Variants in CNTNAP5 observed in about 807,000 individuals in gnomAD.
The protein encoded by CNTNAP5 is contactin-associated protein-like 5.
CNTNAP5 carries 72 observed loss-of-function variants against 150.2 expected under a neutral mutation model. The ratio of observed to expected loss-of-function variants is 0.48; its 90% CI spans 0.40 to 0.58. The LOEUF (loss-of-function observed/expected upper bound fraction) is 0.58. Ranked by LOEUF, CNTNAP5 falls within the 20% of genes least tolerant of loss-of-function variation. The probability of loss-of-function intolerance (pLI) is 0.00; values close to 1 mark genes in which losing one functional copy is unlikely to be tolerated. For synonymous variants in CNTNAP5, 672 were observed against 619.8 expected (o/e 1.08, Z -1.25); for missense variants, 1,636 against 1,626.2 (o/e 1.01, Z -0.10).
rs375944510 is a variant in CNTNAP5, at chr2:124,415,914, AC to A, written c.382-1523del. ...TTGGATTTCATCTTCAGCAAAAAAA[AC>A]CCCCCAATAATTTTCAGGGAAAATG... On this transcript the variant is annotated intron_variant, in intron 3 of 23. Transcript: ENST00000682447. Among the ~76,000 whole-genome samples, 10 of 152,214 alleles carry A rather than the reference AC, an allele frequency of 6.6e-5. No individual in the cohort carries two copies. The South Asian group carries it at 1.7e-3, about 25-fold the overall frequency.
At chr2:124,552,348 C>T (rs2104918376) in intron 10 of CNTNAP5, among the ~76,000 whole-genome samples, 1 of 152,280 alleles carries the variant, frequency 6.6e-6, no homozygotes, top group South Asian at 2.1e-4. Context: ...ATGACAGCTG[C>T]ATCCAGGCAG....
intron 3 of CNTNAP5, among the ~76,000 whole-genome samples, chr2:124,385,142 G>A (rs752003298): frequency 6.6e-6 from 1 of 152,138 alleles, no homozygotes; most frequent in South Asian, 2.1e-4. Context: ...TGAATTAAAG[G>A]TATGAATTTG....
chr2:124,912,054 C>T (rs543694705), intron 23 of CNTNAP5, among the ~76,000 whole-genome samples: 1 of 152,172 alleles, frequency 6.6e-6, no homozygotes, highest in East Asian at 2.0e-4. Flanking sequence ...GTCTGCTCTG[C>T]TGTGAGCTCA....
intron 3 of CNTNAP5, among the ~76,000 whole-genome samples, chr2:124,284,813 G>A (rs1385552137): frequency 6.6e-6 from 1 of 152,092 alleles, no homozygotes; most frequent in Non-Finnish European, 1.5e-5. Context: ...TTCTAAGGTG[G>A]AGTGTGTGCT....
intron 16 of CNTNAP5, among the ~76,000 whole-genome samples, chr2:124,768,577 A>G (rs1045421253): frequency 6.6e-6 from 1 of 152,072 alleles, no homozygotes; most frequent in Non-Finnish European, 1.5e-5. Context: ...AAGCACTCCC[A>G]TCGATGACGA....
intron 19 of CNTNAP5, among the ~76,000 whole-genome samples, chr2:124,812,035 T>C (rs1439157138): frequency 4.7e-5 from 5 of 105,426 alleles, no homozygotes; most frequent in African/African-American, 1.8e-4. Flanking sequence ...TATTATATAA[T>C]ATATAATTTA....
rs922384210 is a variant in CNTNAP5 at position 124,025,831 on chromosome 2, G to C, written c.82+99G>C. ...AGCGTACTCGATTGTGTCTGCTTTG[G>C]GCAAAGGAAACGGAAAAAAAATGCT... On this transcript the variant is annotated intron_variant, in intron 1 of 23. Coordinates refer to ENST00000682447, the MANE Select transcript of CNTNAP5 (RefSeq NM_001367498.1). The C allele has an allele frequency of 1.4e-5, 15 of 1,058,480 alleles. No individual in the cohort carries two copies. The African/African-American group carries it at 2.2e-4, about 15-fold the overall frequency. The allele number at this position is 1,058,480 out of a possible 1,614,324, so 65.6% of individuals were successfully genotyped here. A position where few individuals can be genotyped will look rare whatever the true frequency, so the allele number is the denominator to read the frequency against.
intron 11 of CNTNAP5, among the ~76,000 whole-genome samples, chr2:124,565,753 C>T (rs1696009058): frequency 6.6e-6 from 1 of 151,834 alleles, no homozygotes; most frequent in Non-Finnish European, 1.5e-5. Context: ...GTGCCCACCA[C>T]CACGCCCAGC....
At chr2:124,174,250 T>G (rs1248177139) in intron 1 of CNTNAP5, among the ~76,000 whole-genome samples, 2 of 152,160 alleles carry the variant, frequency 1.3e-5, no homozygotes, top group African/African-American at 4.8e-5. Flanking sequence ...CTGCAGCCCA[T>G]GGATCAAGTA....
At chr2:124,841,056 A>G (rs1682934790) in intron 19 of CNTNAP5, among the ~76,000 whole-genome samples, 1 of 152,106 alleles carries the variant, frequency 6.6e-6, no homozygotes, top group African/African-American at 2.4e-5. Flanking sequence ...TATTAAATGC[A>G]GTGTGGCTCA....
intron 13 of CNTNAP5, among the ~76,000 whole-genome samples, chr2:124,711,218 C>G (rs2105103614): frequency 6.6e-6 from 1 of 152,130 alleles, no homozygotes; most frequent in South Asian, 2.1e-4. Context: ...TTGTGGTGAA[C>G]AGAGTTCACA....
Position 124,763,719 on chromosome 2 carries a change from C to T in CNTNAP5, c.2282C>T (p.Thr761Ile). 1 of 1,612,980 alleles carries T rather than the reference C, an allele frequency of 6.2e-7. No individual in the cohort carries two copies. Among genetic ancestry groups the T allele is most frequent in the South Asian group, 1.1e-5 (1 of 91,028 alleles). Residue 761 changes from threonine (T) to isoleucine (I), a missense_variant, in exon 15 of 24, where the codon ACT becomes ATT. Thr to Ile is a moderately conservative substitution (Grantham distance 89, BLOSUM62 -1). Transcript: ENST00000682447. Reference protein sequence around the residue: ...FLSFKDHLPVTQIVITDTDRS... With the variant: ...FLSFKDHLPVIQIVITDTDRS... ...TCCTTCAAAGACCACTTGCCTGTCA[C>T]TCAGATAGTTATCACTGATACCGAC... is the stretch of plus-strand genomic sequence containing the variant.
intron 3 of CNTNAP5, among the ~76,000 whole-genome samples, chr2:124,333,198 A>T (rs1038481710): frequency 3.9e-5 from 6 of 152,064 alleles, no homozygotes; most frequent in Non-Finnish European, 7.4e-5. Flanking sequence ...AGCCTTGGGA[A>T]GTTGAAGCTA....
chr2:124,319,981 C>A (rs181017602), intron 3 of CNTNAP5, among the ~76,000 whole-genome samples: 137 of 152,300 alleles, frequency 9.0e-4, no homozygotes, highest in African/African-American at 3.2e-3. Context: ...CTACTTCCTC[C>A]AAGTCAATAG....
chr2:124,448,117 A>T (rs1173792411), intron 6 of CNTNAP5, among the ~76,000 whole-genome samples: 1 of 151,902 alleles, frequency 6.6e-6, no homozygotes, highest in Non-Finnish European at 1.5e-5. Context: ...AAACACAAAA[A>T]ACTAGCCGGG....
At chr2:124,342,274 A>C (rs892060998) in intron 3 of CNTNAP5, among the ~76,000 whole-genome samples, 8 of 152,148 alleles carry the variant, frequency 5.3e-5, no homozygotes, top group Non-Finnish European at 1.0e-4. Flanking sequence ...GGCCTCTTAC[A>C]GGTGTGCAGC....
At chr2:124,593,341 T>A (rs1050793512) in intron 11 of CNTNAP5, among the ~76,000 whole-genome samples, 4 of 120,842 alleles carry the variant, frequency 3.3e-5, no homozygotes, top group African/African-American at 1.2e-4. Flanking sequence ...TGTGTCCATG[T>A]GATCTCATTG....
chr2:124,610,125 A>G (rs1003217423), intron 12 of CNTNAP5, among the ~76,000 whole-genome samples: 4 of 152,236 alleles, frequency 2.6e-5, no homozygotes, highest in African/African-American at 9.6e-5. Context: ...AAACTTGTTA[A>G]TGGTCTTGAT....
intron 3 of CNTNAP5, among the ~76,000 whole-genome samples, chr2:124,404,725 A>G (rs981566513): frequency 2.0e-5 from 3 of 152,086 alleles, no homozygotes; most frequent in Non-Finnish European, 4.4e-5. Flanking sequence ...TTCTTTTCTA[A>G]TATTCAGGCC....
Sources: gnomAD v4.1 joint callset for allele counts (sites outside exome capture counted in the v4.1 genomes callset) on GRCh38, gnomAD v4.1.1 for gene constraint, MANE v1.5 for transcripts, NCBI Gene and HGNC (gene_info 2026-07-23, HGNC 2026-07-21) for gene names.